The following RCVRN variants were observed in gnomAD, a reference collection of about 807,000 sequenced individuals.
RCVRN encodes the protein recoverin.
RCVRN carries 23 observed loss-of-function variants against 20.4 expected under a neutral mutation model. That is an observed-to-expected ratio of 1.13 (90% CI 0.81 to 1.60). The LOEUF is 1.60. RCVRN is among the 40% of genes most tolerant of loss of function. The pLI is 0.00. For synonymous variants in RCVRN, 105 were observed against 105.9 expected (o/e 0.99, Z 0.05); for missense variants, 254 against 254.2 (o/e 1.00, Z 0.00).
chr17:9,902,577 AT>A (rs1249021291), intron 1 of RCVRN, among the ~76,000 whole-genome samples: 12 of 152,134 alleles, frequency 7.9e-5, no homozygotes, highest in Non-Finnish European at 1.8e-4. Flanking sequence ...TTAAAAAAAA[AT>A]CAAATGAAGG....
rs1168772750 is a variant in RCVRN at position 9,904,894 on chromosome 17, C to T, written c.287G>A (p.Gly96Asp). 1.2e-6 allele frequency: 2 copies of T among 1,614,240 alleles called. No individual in the cohort carries two copies. The highest frequency in any genetic ancestry group is 1.7e-6 in the Non-Finnish European group (2 of 1,180,046). The change falls in exon 1 of 3, where the codon GGC becomes GAC. Residue 96 changes from glycine to aspartate, a missense_variant. Physicochemically the swap from Gly to Asp is moderately conservative, Grantham distance 94. Coordinates refer to ENST00000226193, the MANE Select transcript of RCVRN (RefSeq NM_002903.3). This position sits in a 1 kb window ranked among gnomAD's most constrained non-coding sequence, Gnocchi z 5.8. ...CCACTCCAGCTTCTGGTTGGTCTTG[C>T]CCGCGGTGGTCATGTGCAGGGCGAT... Reference protein sequence around the residue: ...YVIALHMTTAGKTNQKLEWAF... With the variant: ...YVIALHMTTADKTNQKLEWAF...
At chr17:9,901,329 A>G in intron 1 of RCVRN, 2 of 396,696 alleles carry the variant, frequency 5.0e-6, no homozygotes, top group Non-Finnish European at 9.0e-6. Flanking sequence ...AAGGCAACAT[A>G]AACCAGAATA....
rs1368770910 is a variant in RCVRN, at chr17:9,896,472, A to G, written c.*1623T>C. Reference sequence around the variant, plus strand: ...AGACTCCTCAGCCTCAAGAGGTTGCAGACAGGTCAGTCAAGAATCCAGGGT... The same window carrying G: ...AGACTCCTCAGCCTCAAGAGGTTGCGGACAGGTCAGTCAAGAATCCAGGGT... On this transcript the variant is annotated 3_prime_UTR_variant, in exon 3 of 3. Coordinates refer to ENST00000226193, the MANE Select transcript of RCVRN (RefSeq NM_002903.3). 1 of 152,234 alleles carries G rather than the reference A, an allele frequency of 6.6e-6. No homozygotes were observed. The allele number at this position is 152,234 out of a possible 1,614,324, so 9.4% of individuals were successfully genotyped here. A position where few individuals can be genotyped will look rare whatever the true frequency, so the allele number is the denominator to read the frequency against.
intron 2 of RCVRN, among the ~76,000 whole-genome samples, chr17:9,898,716 A>G (rs1225444259): frequency 1.3e-5 from 2 of 152,122 alleles, no homozygotes; most frequent in African/African-American, 2.4e-5. Context: ...GAAGGGCCCA[A>G]TGAGATCATG....
Position 9,904,907 on chromosome 17 carries a change from T to C in RCVRN, c.274A>G (p.Met92Val), listed in dbSNP as rs1473477914. Residue 92 changes from methionine (M) to valine (V), a missense_variant, in exon 1 of 3, where the codon ATG (methionine) becomes GTG (valine). Met to Val is a conservative substitution (Grantham distance 21). Transcript: ENST00000226193. This position sits in a 1 kb window ranked among gnomAD's most constrained non-coding sequence, Gnocchi z 5.8. ...DFKEYVIALH[M>V]TTAGKTNQKL... is the part of the protein sequence containing the mutation. ...TGGTTGGTCTTGCCCGCGGTGGTCA[T>C]GTGCAGGGCGATGACGTACTCCTTG... 1.2e-6 allele frequency: 2 copies of C among 1,614,122 alleles called. No homozygotes were observed. The highest frequency in any genetic ancestry group is 2.7e-5 in the African/African-American group (2 of 75,018).
chr17:9,899,420 C>T lies in RCVRN; in HGVS notation c.494-1216G>A, dbSNP rs114918844. Reference sequence around the variant, plus strand: ...CAGATGGGCCGCGTGGAAACACGTACAACACATCACGAACAGGAGTAACAC... The same window carrying T: ...CAGATGGGCCGCGTGGAAACACGTATAACACATCACGAACAGGAGTAACAC... On this transcript the variant is annotated intron_variant, in intron 2 of 2. Transcript: ENST00000226193. The surrounding 1 kb of genome is among the most constrained non-coding windows in gnomAD (Gnocchi z 4.6). Among the ~76,000 whole-genome samples the T allele has an allele frequency of 6.6e-6, 1 of 152,222 alleles. No homozygotes were observed. Among genetic ancestry groups the T allele is most frequent in the East Asian group, 1.9e-4 (1 of 5,194 alleles).
chr17:9,903,413 G>A (rs1393977214), intron 1 of RCVRN, among the ~76,000 whole-genome samples: 5 of 152,236 alleles, frequency 3.3e-5, no homozygotes, highest in Admixed American at 3.3e-4. Flanking sequence ...ACTGTCAGGA[G>A]CCGGGGAGCC....
At position 9,905,207 on chromosome 17, in the gene RCVRN, G is replaced by T; in HGVS notation, c.-27C>A. 6.4e-7 allele frequency: 1 copy of T among 1,574,388 alleles called. No individual in the cohort carries two copies. The highest frequency in any genetic ancestry group is 8.6e-7 in the Non-Finnish European group (1 of 1,161,830). On this transcript the variant is annotated 5_prime_UTR_variant, in exon 1 of 3. Transcript: ENST00000226193. ...AGTGAGGAAGAGTGGGCAGCGGCTG[G>T]GGAGTCGCTGGGTGGGTGGGACGTG...
At position 9,904,959 on chromosome 17, in the gene RCVRN, A is replaced by C; in HGVS notation, c.222T>G (p.Asp74Glu). 1 of 1,614,148 alleles carries C rather than the reference A, an allele frequency of 6.2e-7. No homozygotes were observed. The highest frequency in any genetic ancestry group is 8.5e-7 in the Non-Finnish European group (1 of 1,180,028). The change falls in exon 1 of 3, where the codon GAT becomes GAG. Residue 74 changes from aspartate (D) to glutamate (E), a missense_variant. Physicochemically the swap from Asp to Glu is conservative, Grantham distance 45. Coordinates refer to ENST00000226193, the MANE Select transcript of RCVRN (RefSeq NM_002903.3). This position sits in a 1 kb window ranked among gnomAD's most constrained non-coding sequence, Gnocchi z 5.8. ...AGTCCAGGGTGCCGTCGAGGTTGGA[A>C]TCGAAGCTGCGGAACACATGCTGGG... The part of the protein sequence containing the change: ...AYAQHVFRSF[D>E]SNLDGTLDFK...
At position 9,905,101 on chromosome 17, in the gene RCVRN, T is replaced by C. The variant is rs754639545; in HGVS notation, c.80A>G (p.Glu27Gly). The C allele has an allele frequency of 3.1e-6, 5 of 1,609,444 alleles. No homozygotes were observed. In the Admixed American group the frequency reaches 8.4e-5, roughly 27 times the overall value. Residue 27 changes from glutamate to glycine, a missense_variant, in exon 1 of 3, where the codon GAG (glutamate) becomes GGG (glycine). Glu to Gly is a moderately conservative substitution (Grantham distance 98). Transcript: ENST00000226193. ...LQLNTKFSEE[E>G]LCSWYQSFLK... The stretch of plus-strand genomic sequence containing the variant: ...GAAGGACTGGTACCAGGAGCACAGC[T>C]CCTCCTCCGAGAACTTGGTGTTCAG...
intron 1 of RCVRN, among the ~76,000 whole-genome samples, chr17:9,903,802 T>C (rs994214325): frequency 6.6e-6 from 1 of 152,232 alleles, no homozygotes; most frequent in Admixed American, 6.5e-5. Flanking sequence ...CTGAGCTCCA[T>C]GGTCCAGCCT....
chr17:9,901,416 T>C (rs2067341088), intron 1 of RCVRN, among the ~76,000 whole-genome samples: 1 of 109,728 alleles, frequency 9.1e-6, no homozygotes, highest in African/African-American at 2.6e-5. Flanking sequence ...ATGTAACTTA[T>C]GGAATGGGAG....
Position 9,904,078 on chromosome 17 carries a change from TA to T in RCVRN, c.381+721del, listed in dbSNP as rs2067352506. Among the ~76,000 whole-genome samples the T allele has an allele frequency of 6.6e-6, 1 of 151,926 alleles. No individual in the cohort carries two copies. Among genetic ancestry groups the T allele is most frequent in the South Asian group, 2.1e-4 (1 of 4,810 alleles). ...CAACATGGTGAAACCCCGTCTCTAC[TA>T]AAAATACAAAAATTAGCTAGGCATA... On this transcript the variant is annotated intron_variant, in intron 1 of 2. Transcript: ENST00000226193. This position sits in a 1 kb window ranked among gnomAD's most constrained non-coding sequence, Gnocchi z 5.8.
chr17:9,900,304 G>C (rs185421525), intron 2 of RCVRN, among the ~76,000 whole-genome samples: 7 of 152,274 alleles, frequency 4.6e-5, no homozygotes, highest in African/African-American at 1.7e-4. Flanking sequence ...CCGAGTGCTG[G>C]AGTCCATCAC....
chr17:9,905,139 C>T lies in RCVRN; in HGVS notation c.42G>A (p.Leu14=), dbSNP rs774262720. 34 of 1,611,022 alleles carry T rather than the reference C, an allele frequency of 2.1e-5. No homozygotes were observed. In the East Asian group the frequency reaches 6.0e-4, roughly 29 times the overall value. Residue 14 remains leucine, a synonymous_variant, in exon 1 of 3, where the codon CTG becomes CTA. Coordinates refer to ENST00000226193, the MANE Select transcript of RCVRN (RefSeq NM_002903.3). ...ACTTGGTGTTCAGCTGCAGCTCCTC[C>T]AGGATCTCCTTGGACAGGGCCCCAC... is the stretch of plus-strand genomic sequence containing the variant. The part of the protein sequence containing the change: ...SKSGALSKEI[L]EELQLNTKFS...
chr17:9,903,961 C>G (rs934239748), intron 1 of RCVRN, among the ~76,000 whole-genome samples: 1 of 152,098 alleles, frequency 6.6e-6, no homozygotes, highest in Admixed American at 6.5e-5. Context: ...AAAAATGGGC[C>G]GGGCACAGTG....
chr17:9,901,544 T>C (rs551674133), intron 1 of RCVRN, among the ~76,000 whole-genome samples: 1 of 150,670 alleles, frequency 6.6e-6, no homozygotes, highest in South Asian at 2.1e-4. Context: ...TTTGAGAAGT[T>C]TCCCTTCAGC....
intron 1 of RCVRN, among the ~76,000 whole-genome samples, chr17:9,901,805 A>G (rs1461342010): frequency 6.6e-6 from 1 of 152,154 alleles, no homozygotes; most frequent in Non-Finnish European, 1.5e-5. Flanking sequence ...AAAATAATCA[A>G]ATCCTCACCC....
At chr17:9,900,274 C>T (rs2067335453) in intron 2 of RCVRN, among the ~76,000 whole-genome samples, 1 of 152,192 alleles carries the variant, frequency 6.6e-6, no homozygotes, top group African/African-American at 2.4e-5. Flanking sequence ...GTAAGCATCA[C>T]AGACACACAG....
Sources: gnomAD v4.1 joint callset for allele counts (sites outside exome capture counted in the v4.1 genomes callset) on GRCh38, gnomAD v4.1.1 for gene constraint, Gnocchi (gnomAD v3.1) non-coding constraint, MANE v1.5 for transcripts, NCBI Gene and HGNC (gene_info 2026-07-23, HGNC 2026-07-21) for gene names.